The following SEM1 variants were observed in gnomAD, a reference collection of about 807,000 sequenced individuals.
The protein encoded by SEM1 is SEM1 26S proteasome subunit, also known as 26S proteasome complex subunit SEM1.
SEM1 carries 3 observed loss-of-function variants against 12.7 expected under a neutral mutation model. The ratio of observed to expected loss-of-function variants is 0.24; its 90% CI spans 0.11 to 0.61. The LOEUF (loss-of-function observed/expected upper bound fraction) is 0.61. Ranked by LOEUF, SEM1 falls within the 20% of genes least tolerant of loss-of-function variation. SEM1 has a pLI of 0.88. For synonymous variants in SEM1, 30 were observed against 27.8 expected (o/e 1.08, Z -0.25); for missense variants, 59 against 81.3 (o/e 0.73, Z 1.06).
chr7:96,514,190 A>G (rs1441870565), intron 2 of SEM1, among the ~76,000 whole-genome samples: 1 of 152,086 alleles, frequency 6.6e-6, no homozygotes, highest in Non-Finnish European at 1.5e-5. Context: ...CTTGTGCTTA[A>G]CGTCTTGAAA....
At chr7:96,559,715 T>C (rs911716671) in intron 2 of SEM1, among the ~76,000 whole-genome samples, 5 of 152,256 alleles carry the variant, frequency 3.3e-5, no homozygotes, top group Non-Finnish European at 7.3e-5. Flanking sequence ...CCATATCTTG[T>C]TATCTTCTTC....
intron 2 of SEM1, among the ~76,000 whole-genome samples, chr7:96,584,880 T>G (rs963535078): frequency 3.2e-4 from 49 of 151,600 alleles, no homozygotes; most frequent in Non-Finnish European, 5.3e-4. Flanking sequence ...TAAATTTTTT[T>G]CAAAGTTTTC....
intron 2 of SEM1, among the ~76,000 whole-genome samples, chr7:96,631,276 CG>C (rs1253587656): frequency 7.2e-5 from 11 of 152,252 alleles, no homozygotes; most frequent in Admixed American, 1.3e-4. Context: ...GCAAGGCTTG[CG>C]GGGAACTCAA....
chr7:96,534,308 C>T lies in SEM1; in HGVS notation c.171-27610G>A, dbSNP rs532167102. Among the ~76,000 whole-genome samples, 11 of 152,092 alleles carry T rather than the reference C, an allele frequency of 7.2e-5. No individual in the cohort carries two copies. The South Asian group carries it at 1.7e-3, about 23-fold the overall frequency. On this transcript the variant is annotated intron_variant and NMD_transcript_variant, in intron 2 of 3. Transcript: ENST00000466986. The stretch of plus-strand genomic sequence containing the variant: ...GCCACTGTGAGCTTGACAGCTTCCC[C>T]GATACTTTAAGGCTTTTCTGATAAG...
At chr7:96,643,243 G>A (rs1015613254) in intron 2 of SEM1, among the ~76,000 whole-genome samples, 1 of 152,004 alleles carries the variant, frequency 6.6e-6, no homozygotes, top group African/African-American at 2.4e-5. Flanking sequence ...AAAGATAATG[G>A]CCTCCAGCTC....
At chr7:96,622,159 C>A (rs1807914420), downstream of SEM1, 1 of 155,246 alleles carries the variant, frequency 6.4e-6, no homozygotes, top group African/African-American at 2.4e-5. Context: ...GTTTCCTTAT[C>A]TTTATGAGAA....
chr7:96,662,785 T>C (rs905194156), intron 2 of SEM1, among the ~76,000 whole-genome samples: 7 of 152,160 alleles, frequency 4.6e-5, no homozygotes, highest in African/African-American at 1.2e-4. Flanking sequence ...CTTCATATCA[T>C]ACACAAAAAC....
intron 2 of SEM1, among the ~76,000 whole-genome samples, chr7:96,583,515 C>T (rs1453282717): frequency 6.7e-6 from 1 of 149,156 alleles, no homozygotes; most frequent in African/African-American, 2.5e-5. Context: ...GAGTTCAATT[C>T]CTGGGTATCC....
downstream of SEM1, among the ~76,000 whole-genome samples, chr7:96,619,062 G>A (rs1186446991): frequency 5.3e-5 from 8 of 151,916 alleles, no homozygotes; most frequent in South Asian, 4.1e-4. Context: ...AAGCTTCTTC[G>A]AAATCAATAT....
chr7:96,489,219 G>T (rs187853284), intron 1 of SEM1, among the ~76,000 whole-genome samples: 85 of 152,206 alleles, frequency 5.6e-4, no homozygotes, highest in Non-Finnish European at 9.4e-4. Context: ...TCTGCCTATT[G>T]CTCTGCTCCA....
Position 96,491,938 on chromosome 7 carries a change from T to C in SEM1, c.12+4346A>G, listed in dbSNP as rs1803024753. ...CTTTTACAGACAAGAAAAAGAGGCA[T>C]ACAGCTAGTAAGTGGCAGGTCCTAT... On this transcript the variant is annotated intron_variant, in intron 1 of 3. Coordinates refer to the SEM1 transcript ENST00000356686. Among the ~76,000 whole-genome samples the C allele has an allele frequency of 2.0e-5, 3 of 152,222 alleles. No individual in the cohort carries two copies. In the South Asian group the frequency reaches 6.2e-4, roughly 31 times the overall value.
intron 2 of SEM1, among the ~76,000 whole-genome samples, chr7:96,615,984 G>A (rs763575369): frequency 1.3e-5 from 2 of 151,866 alleles, no homozygotes; most frequent in South Asian, 2.1e-4. Context: ...CTTTACTATC[G>A]AAAATAGTAC....
At chr7:96,576,883 C>T (rs183657079) in intron 2 of SEM1, among the ~76,000 whole-genome samples, 19 of 152,166 alleles carry the variant, frequency 1.2e-4, no homozygotes, top group East Asian at 1.9e-4. Flanking sequence ...TTTCGGAGGC[C>T]GAGGCGGGTG....
intron 2 of SEM1, among the ~76,000 whole-genome samples, chr7:96,553,534 G>A (rs1237488238): frequency 6.6e-6 from 1 of 151,964 alleles, no homozygotes; most frequent in Non-Finnish European, 1.5e-5. Flanking sequence ...TGAGGGCTCT[G>A]TTCTGTTCCA....
At chr7:96,654,858 A>G (rs938529329) in intron 2 of SEM1, among the ~76,000 whole-genome samples, 1 of 152,146 alleles carries the variant, frequency 6.6e-6, no homozygotes, top group African/African-American at 2.4e-5. Flanking sequence ...TCCTGGTGTG[A>G]TCTGGATTTG....
At chr7:96,610,884 A>G (rs6972239) in intron 2 of SEM1, among the ~76,000 whole-genome samples, 146,912 of 152,260 alleles carry the variant, frequency 0.96, 71,086 homozygotes, top group East Asian at 1. Flanking sequence ...TGATTATTTT[A>G]AGCTGAAGGC....
intron 2 of SEM1, among the ~76,000 whole-genome samples, chr7:96,535,025 C>A (rs915267005): frequency 3.3e-5 from 5 of 151,778 alleles, no homozygotes; most frequent in African/African-American, 1.2e-4. Context: ...AAACTTGAGG[C>A]CTTCTGTTCT....
At chr7:96,661,200 T>C (rs1461491554) in intron 2 of SEM1, among the ~76,000 whole-genome samples, 1 of 152,174 alleles carries the variant, frequency 6.6e-6, no homozygotes, top group Admixed American at 6.5e-5. Context: ...TGCCAGATTC[T>C]GTACTCCTCA....
chr7:96,541,494 A>G, intron 2 of SEM1, among the ~76,000 whole-genome samples: 1 of 127,194 alleles, frequency 7.9e-6, no homozygotes. Context: ...GATTCCGAAT[A>G]TTAGACCTTT....
Sources: gnomAD v4.1 joint callset for allele counts (sites outside exome capture counted in the v4.1 genomes callset) on GRCh38, gnomAD v4.1.1 for gene constraint, MANE v1.5 for transcripts, NCBI Gene and HGNC (gene_info 2026-07-23, HGNC 2026-07-21) for gene names.